Variants in CRACD observed in about 807,000 individuals in gnomAD.
CRACD encodes capping protein inhibiting regulator of actin dynamics, also known as capping protein-inhibiting regulator of actin dynamics.
A neutral mutation model predicts 106.8 loss-of-function variants in CRACD; 56 were observed. That is an observed-to-expected ratio of 0.52 (90% CI 0.42 to 0.66). The LOEUF (loss-of-function observed/expected upper bound fraction) is 0.66, where lower values mean the gene tolerates loss of function less well. Ranked by LOEUF, CRACD falls within the 30% of genes least tolerant of loss-of-function variation. The pLI is 0.00. For synonymous variants in CRACD, 754 were observed against 670.8 expected (o/e 1.12, Z -1.92); for missense variants, 1,730 against 1,623.2 (o/e 1.07, Z -1.13).
At chr4:56,310,798 C>CCTTTTTTTTTTT (rs1553919758) in intron 6 of CRACD, 64 bp downstream of exon 6, 1 of 753,820 alleles carries the variant, frequency 1.3e-6, no homozygotes. Context: ...TTCCCCCCCC[C>CCTTTTTTTTTTT]TTTTTTTTTT....
At chr4:56,202,212 G>A (rs924403510) in intron 2 of CRACD, among the ~76,000 whole-genome samples, 11 of 152,210 alleles carry the variant, frequency 7.2e-5, no homozygotes, top group Admixed American at 5.9e-4. Flanking sequence ...TTGACTATGA[G>A]TGATTTTTAC....
intron 1 of CRACD, among the ~76,000 whole-genome samples, chr4:56,119,505 AT>A (rs3036789): frequency 6.8e-5 from 10 of 147,628 alleles, no homozygotes; most frequent in Non-Finnish European, 7.5e-5. Context: ...TAATTTTTGT[AT>A]TTTTTTTTTG....
intron 1 of CRACD, among the ~76,000 whole-genome samples, chr4:56,119,274 G>A (rs1289633710): frequency 6.6e-6 from 1 of 152,024 alleles, no homozygotes; most frequent in Non-Finnish European, 1.5e-5. Context: ...TTTACAATGG[G>A]GTAAATTTTC....
chr4:56,306,644 T>C (rs1240348399), intron 4 of CRACD, among the ~76,000 whole-genome samples: 1 of 152,234 alleles, frequency 6.6e-6, no homozygotes, highest in Non-Finnish European at 1.5e-5. Context: ...GGGGGCAATT[T>C]TACCCCCCAG....
intron 2 of CRACD, among the ~76,000 whole-genome samples, chr4:56,191,050 A>G (rs1737347160): frequency 6.6e-6 from 1 of 152,178 alleles, no homozygotes; most frequent in Admixed American, 6.5e-5. Context: ...GACTTCTCAA[A>G]TTGTAGGCAT....
chr4:56,236,991 T>G (rs1264916803), intron 2 of CRACD, among the ~76,000 whole-genome samples: 1 of 152,188 alleles, frequency 6.6e-6, no homozygotes, highest in Non-Finnish European at 1.5e-5. Context: ...AATTTAGCCA[T>G]GTATATTAAC....
intron 2 of CRACD, among the ~76,000 whole-genome samples, chr4:56,247,562 T>G (rs1024761603): frequency 6.6e-6 from 1 of 152,142 alleles, no homozygotes; most frequent in Admixed American, 6.6e-5. Flanking sequence ...AATCCTGTTG[T>G]GAGCTGGGCA....
At chr4:56,138,204 C>A (rs576886785) in intron 1 of CRACD, among the ~76,000 whole-genome samples, 4 of 152,232 alleles carry the variant, frequency 2.6e-5, no homozygotes, top group South Asian at 2.1e-4. Context: ...TGGCTCACAC[C>A]TGTAATCCCA....
chr4:56,139,397 T>C (rs1277182920), intron 1 of CRACD, among the ~76,000 whole-genome samples: 1 of 152,184 alleles, frequency 6.6e-6, no homozygotes, highest in African/African-American at 2.4e-5. Context: ...GTCTTTTTCA[T>C]TGCTACTTGG....
At chr4:56,277,972 C>CA (rs1397301604) in intron 3 of CRACD, among the ~76,000 whole-genome samples, 1 of 151,946 alleles carries the variant, frequency 6.6e-6, no homozygotes, top group Non-Finnish European at 1.5e-5. Context: ...ACTTGTACAC[C>CA]AAAAATGACA....
rs1746681193 is a variant in CRACD, at chr4:56,329,632, G to A, written c.*1828G>A. ...GCAAGCAATTAGTATTTCACTGCAC[G>A]TCTTCCATACTAATGTTCATTTCTA... On this transcript the variant is annotated 3_prime_UTR_variant, in exon 11 of 11. Transcript: ENST00000682029. Among the ~76,000 whole-genome samples, 3 of 152,048 alleles carry A rather than the reference G, an allele frequency of 2.0e-5. No individual in the cohort carries two copies. Among genetic ancestry groups the A allele is most frequent in the South Asian group, 2.1e-4 (1 of 4,824 alleles).
intron 2 of CRACD, among the ~76,000 whole-genome samples, chr4:56,199,607 G>T (rs1017830021): frequency 1.3e-5 from 2 of 148,334 alleles, no homozygotes; most frequent in African/African-American, 5.0e-5. Context: ...GCTTGAACCT[G>T]AGAGTCAGAG....
chr4:56,168,315 G>GTT (rs1736228058), intron 1 of CRACD, among the ~76,000 whole-genome samples: 2 of 131,124 alleles, frequency 1.5e-5, no homozygotes, highest in African/African-American at 5.6e-5. Context: ...AACTCTTTAA[G>GTT]ATTTTTCTTC....
intron 1 of CRACD, among the ~76,000 whole-genome samples, chr4:56,116,633 T>G (rs1378323843): frequency 6.6e-6 from 1 of 152,234 alleles, no homozygotes; most frequent in African/African-American, 2.4e-5. Flanking sequence ...TAAGTAAACT[T>G]ACGCATTTTA....
intron 1 of CRACD, among the ~76,000 whole-genome samples, chr4:56,092,958 A>C (rs931583817): frequency 2.6e-5 from 4 of 152,116 alleles, no homozygotes; most frequent in African/African-American, 9.7e-5. Context: ...AAAATTACAT[A>C]TGTTGCTCAT....
intron 1 of CRACD, among the ~76,000 whole-genome samples, chr4:56,104,934 T>G (rs1271195197): frequency 7.4e-6 from 1 of 134,522 alleles, no homozygotes; most frequent in African/African-American, 2.9e-5. Context: ...GCCACTGTAC[T>G]CCAGCCTGGG....
intron 1 of CRACD, among the ~76,000 whole-genome samples, chr4:56,152,707 A>G (rs1735624419): frequency 6.6e-6 from 1 of 152,112 alleles, no homozygotes; most frequent in South Asian, 2.1e-4. Flanking sequence ...CTCAAAAAAG[A>G]TAAAATAAAG....
At chr4:56,323,314 A>G in intron 8 of CRACD, 63 bp from the exon 9 acceptor site, 1 of 1,398,210 alleles carries the variant, frequency 7.2e-7, no homozygotes, top group Non-Finnish European at 9.9e-7. Flanking sequence ...TTAGGGGGTG[A>G]GGAACTGAGG....
intron 2 of CRACD, among the ~76,000 whole-genome samples, chr4:56,190,617 A>G (rs1186566282): frequency 6.6e-6 from 1 of 152,194 alleles, no homozygotes; most frequent in South Asian, 2.1e-4. Context: ...GTGGGCTTCT[A>G]TGGCCTTGGA....
Sources: gnomAD v4.1 joint callset for allele counts (sites outside exome capture counted in the v4.1 genomes callset) on GRCh38, gnomAD v4.1.1 for gene constraint, MANE v1.5 for transcripts, NCBI Gene and HGNC (gene_info 2026-07-23, HGNC 2026-07-21) for gene names.